Variants in NELL1 observed in about 807,000 individuals in gnomAD.
NELL1 encodes protein kinase C-binding protein NELL1.
A neutral mutation model predicts 107.4 loss-of-function variants in NELL1; 76 were observed. That is an observed-to-expected ratio of 0.71 (90% CI 0.59 to 0.86). The LOEUF (loss-of-function observed/expected upper bound fraction) is 0.86, where lower values mean the gene tolerates loss of function less well. Among genes scored for constraint, NELL1 ranks in the 40% least tolerant of loss-of-function variants. The pLI is 0.00. For synonymous variants in NELL1, 353 were observed against 341.2 expected, an observed-to-expected ratio of 1.03 and a Z score of -0.38; for missense variants, 1,024 against 1,005.5, an observed-to-expected ratio of 1.02 and a Z score of -0.25.
intron 2 of NELL1, among the ~76,000 whole-genome samples, chr11:20,704,197 G>A (rs1854877302): frequency 6.6e-6 from 1 of 152,132 alleles, no homozygotes; most frequent in South Asian, 2.1e-4. Context: ...GCTGTATTGG[G>A]TGCATATGTA....
intron 13 of NELL1, among the ~76,000 whole-genome samples, chr11:21,226,653 C>T (rs527446191): frequency 1.3e-5 from 2 of 152,242 alleles, no homozygotes; most frequent in South Asian, 4.1e-4. Flanking sequence ...AAATATGCTA[C>T]AATTCCTCTC....
At chr11:21,387,165 A>C (rs1387313195) in intron 15 of NELL1, among the ~76,000 whole-genome samples, 1 of 151,816 alleles carries the variant, frequency 6.6e-6, no homozygotes, top group Non-Finnish European at 1.5e-5. Flanking sequence ...TTCATTTCTT[A>C]ACCTGCTTTT....
chr11:20,972,062 G>A (rs34932418), intron 12 of NELL1, among the ~76,000 whole-genome samples: 1 of 152,034 alleles, frequency 6.6e-6, no homozygotes, highest in African/African-American at 2.4e-5. Context: ...GAGAGCATTA[G>A]GACAAATACC....
At chr11:20,953,571 T>C (rs1441500266) in intron 11 of NELL1, among the ~76,000 whole-genome samples, 1 of 152,182 alleles carries the variant, frequency 6.6e-6, no homozygotes. Flanking sequence ...ATTTTACTAG[T>C]GTTACTGGTC....
intron 2 of NELL1, among the ~76,000 whole-genome samples, chr11:20,770,636 A>T (rs867688533): frequency 6.6e-6 from 1 of 152,330 alleles, no homozygotes; most frequent in Middle Eastern, 3.4e-3. Context: ...CTAACAAGGC[A>T]TGTAATTAGA....
intron 12 of NELL1, among the ~76,000 whole-genome samples, chr11:21,112,323 T>A (rs891686122): frequency 2.6e-5 from 4 of 152,080 alleles, no homozygotes; most frequent in Non-Finnish European, 5.9e-5. Flanking sequence ...ATCAACTTAC[T>A]TTTCTTTTAA....
At chr11:21,490,278 G>T (rs1338732882) in intron 15 of NELL1, among the ~76,000 whole-genome samples, 1 of 151,872 alleles carries the variant, frequency 6.6e-6, no homozygotes, top group Non-Finnish European at 1.5e-5. Flanking sequence ...ACTGATGAAA[G>T]AAATTGAAGA....
At chr11:21,185,286 C>A (rs1411477537) in intron 13 of NELL1, among the ~76,000 whole-genome samples, 1 of 143,858 alleles carries the variant, frequency 7.0e-6, no homozygotes, top group Non-Finnish European at 1.5e-5. Flanking sequence ...GTATTTAATT[C>A]CAGTATCTTT....
chr11:20,850,456 A>G (rs924023925), intron 4 of NELL1, among the ~76,000 whole-genome samples: 1 of 152,230 alleles, frequency 6.6e-6, no homozygotes, highest in African/African-American at 2.4e-5. Context: ...AGATTAACTT[A>G]TTCCATACTC....
In NELL1 at chr11:21,337,837, TTTTC is replaced by T. The variant is rs1555006223; in HGVS notation, c.1550-32971_1550-32968del. Among the ~76,000 whole-genome samples the T allele has an allele frequency of 8.0e-3, 695 of 86,626 alleles. 6 individuals are homozygous for T. Among genetic ancestry groups the T allele is most frequent in the African/African-American group, 0.01 (219 of 21,240 alleles). The allele number at this position is 86,626 out of a possible 152,430, so 56.8% of individuals were successfully genotyped here. Reference sequence around the variant, plus strand: ...CTTTCCTTCTTTCTTTCTTTCTTTCTTTTCTTTCTTTCTTTCTTTCTTTCTTTCT... The same window carrying T: ...CTTTCCTTCTTTCTTTCTTTCTTTCTTTTCTTTCTTTCTTTCTTTCTTTCT... On this transcript the variant is annotated intron_variant, in intron 14 of 19. Coordinates refer to ENST00000357134, the MANE Select transcript of NELL1 (RefSeq NM_006157.5).
At chr11:21,013,838 G>C (rs1852505797) in intron 12 of NELL1, among the ~76,000 whole-genome samples, 1 of 151,974 alleles carries the variant, frequency 6.6e-6, no homozygotes, top group African/African-American at 2.4e-5. Context: ...CTTATATTTA[G>C]TCATTATGTT....
chr11:21,072,373 A>G (rs1160945459), intron 12 of NELL1, among the ~76,000 whole-genome samples: 1 of 152,192 alleles, frequency 6.6e-6, no homozygotes, highest in Non-Finnish European at 1.5e-5. Context: ...TTCTTTCACT[A>G]TTATTGTCCT....
rs539661010 is a variant in NELL1, at chr11:21,435,812, G to A, written c.1645+64864G>A. ...TGTGTGTGTTTGTGTGTGTGTGTAT[G>A]TGTGTCCATGTCTGATGTTGGTATA... On this transcript the variant is annotated intron_variant, in intron 15 of 19. Coordinates refer to ENST00000357134, the MANE Select transcript of NELL1 (RefSeq NM_006157.5). Among the ~76,000 whole-genome samples, 16 of 151,358 alleles carry A rather than the reference G, an allele frequency of 1.1e-4. No homozygotes were observed. The East Asian group carries it at 2.9e-3, about 28-fold the overall frequency.
rs1228955173 is a variant in NELL1, at chr11:20,880,060, T to C, written c.507-5384T>C. 2.0e-5 allele frequency among the ~76,000 whole-genome samples: 3 copies of C among 152,130 alleles called. No individual in the cohort carries two copies. The East Asian group carries it at 5.8e-4, about 29-fold the overall frequency. The stretch of plus-strand genomic sequence containing the variant: ...ATATTAGCTTGTTCTAGCTTTAAAG[T>C]TTATAAAGGGAAAAAAGAAACCTAA... On this transcript the variant is annotated intron_variant, in intron 4 of 19. Coordinates refer to ENST00000357134, the MANE Select transcript of NELL1 (RefSeq NM_006157.5).
At position 21,474,929 on chromosome 11, in the gene NELL1, C is replaced by A. The variant is rs527286187; in HGVS notation, c.1646-59445C>A. ...CTCTCTTCCTAGTTATTTGACCAAG[C>A]TTTTGTTGCATCGCTTATCTTAGTT... On this transcript the variant is annotated intron_variant, in intron 15 of 19. Transcript: ENST00000357134. Among the ~76,000 whole-genome samples the A allele has an allele frequency of 1.8e-4, 28 of 152,196 alleles. No homozygotes were observed. The South Asian group carries it at 4.6e-3, about 25-fold the overall frequency.
intron 14 of NELL1, among the ~76,000 whole-genome samples, chr11:21,238,708 G>A (rs541046978): frequency 6.6e-6 from 1 of 152,184 alleles, no homozygotes; most frequent in South Asian, 2.1e-4. Flanking sequence ...GGTGGCAGAA[G>A]ACCCAATTCT....
In NELL1 at chr11:21,264,097, T is replaced by TG. The variant is rs60986028; in HGVS notation, c.1549+34643_1549+34644insG. On this transcript the variant is annotated intron_variant, in intron 14 of 19. Transcript: ENST00000357134. ...GTGTGTGTGTGTGTGTGTGTGTGTG[T>TG]TTGTGTGTCTGTCTGTCTCATCCTT... 5.1e-3 allele frequency among the ~76,000 whole-genome samples: 758 copies of TG among 149,210 alleles called. 7 individuals are homozygous for TG. The highest frequency in any genetic ancestry group is 0.013 in the African/African-American group (511 of 40,728).
intron 3 of NELL1, among the ~76,000 whole-genome samples, chr11:20,813,910 C>G (rs902554682): frequency 2.0e-5 from 3 of 151,616 alleles, no homozygotes; most frequent in Non-Finnish European, 2.9e-5. Flanking sequence ...TTATCACAAC[C>G]AAGATATGTA....
At chr11:21,558,101 C>T (rs537102421) in intron 16 of NELL1, among the ~76,000 whole-genome samples, 7 of 151,676 alleles carry the variant, frequency 4.6e-5, no homozygotes, top group African/African-American at 4.8e-5. Flanking sequence ...TTTAAGACTG[C>T]GTAGGAGTGA....
Sources: gnomAD v4.1 joint callset for allele counts (sites outside exome capture counted in the v4.1 genomes callset) on GRCh38, gnomAD v4.1.1 for gene constraint, MANE v1.5 for transcripts, NCBI Gene and HGNC (gene_info 2026-07-23, HGNC 2026-07-21) for gene names.